Variants in PRTN3 observed in about 807,000 individuals in gnomAD.
The protein encoded by PRTN3 is proteinase 3, also known as myeloblastin.
In PRTN3, 22 loss-of-function variants were observed where a neutral mutation model predicts 20.7. The observed-to-expected ratio is 1.06, with a 90% CI of 0.76 to 1.52. The LOEUF is 1.52. Among genes scored for constraint, PRTN3 ranks in the 40% most tolerant of loss-of-function variants. PRTN3 has a pLI of 0.00. For missense variants in PRTN3, 378 were observed against 359.6 expected, an observed-to-expected ratio of 1.05 and a Z score of -0.41; for synonymous variants, 173 against 152.9, an observed-to-expected ratio of 1.13 and a Z score of -0.97.
intron 4 of PRTN3, among the ~76,000 whole-genome samples, chr19:847,545 A>AAAAGAG (rs2035533058): frequency 1.5e-5 from 2 of 134,732 alleles, no homozygotes; most frequent in Non-Finnish European, 3.2e-5. Context: ...GAAAGAAAGA[A>AAAAGAG]AGAAAAAGAA....
At chr19:847,294 G>A (rs557791234) in intron 4 of PRTN3, among the ~76,000 whole-genome samples, 5 of 152,126 alleles carry the variant, frequency 3.3e-5, no homozygotes, top group Admixed American at 6.5e-5. Flanking sequence ...AGAACAGAGC[G>A]AGACCCTGTC....
rs1387391143 is a variant in PRTN3, at chr19:841,818, C to G, written c.61+749C>G. The stretch of plus-strand genomic sequence containing the variant: ...TCTCGGCTCACTGCAAGCTCAGCCT[C>G]CCGGGTTCACGCCTTTCTCCTGCCT... On this transcript the variant is annotated intron_variant, in intron 1 of 4. Transcript: ENST00000234347. 1.4e-5 allele frequency among the ~76,000 whole-genome samples: 2 copies of G among 141,392 alleles called. 1 individual carries two copies. Among genetic ancestry groups the G allele is most frequent in the African/African-American group, 5.3e-5 (2 of 37,778 alleles). 92.8% of individuals were successfully genotyped at this position (141,392 alleles called of 152,430 possible). A position where few individuals can be genotyped will look rare whatever the true frequency, so the allele number is the denominator to read the frequency against.
chr19:847,834 C>A lies in PRTN3; in HGVS notation c.636C>A (p.Ile212=), dbSNP rs748825295. 7 of 1,609,654 alleles carry A rather than the reference C, an allele frequency of 4.3e-6. No individual in the cohort carries two copies. Among genetic ancestry groups the A allele is most frequent in the Non-Finnish European group, 5.9e-6 (7 of 1,177,842 alleles). ...GTGGCCCCCTGATCTGTGATGGCAT[C>A]ATCCAAGGAATAGACTCCTTCGTGA... ...DSGGPLICDG[I]IQGIDSFVIW... is the part of the protein sequence containing the mutation. The change falls in exon 5 of 5, where the codon ATC becomes ATA. Residue 212 remains isoleucine (I), a synonymous_variant. Transcript: ENST00000234347.
chr19:843,357 G>A, intron 1 of PRTN3, 104 bp from the exon 2 acceptor site: 1 of 1,260,610 alleles, frequency 7.9e-7, no homozygotes, highest in Non-Finnish European at 1.1e-6. Context: ...TGACCGGGTT[G>A]CAGATCGGGA....
chr19:842,585 A>ATTTTTTTTT (rs2035460028), intron 1 of PRTN3, among the ~76,000 whole-genome samples: 1 of 61,334 alleles, frequency 1.6e-5, no homozygotes, highest in Non-Finnish European at 2.7e-5. Flanking sequence ...ACACCTGGCT[A>ATTTTTTTTT]ATTTTTTTTT....
intron 3 of PRTN3, among the ~76,000 whole-genome samples, chr19:844,534 T>C (rs1301309083): frequency 1.9e-5 from 2 of 106,194 alleles, no homozygotes; most frequent in African/African-American, 7.5e-5. Flanking sequence ...CTCCCCTGCC[T>C]GCGCCTCCGC....
In PRTN3 at chr19:844,028, C is replaced by T. The variant is rs759579873; in HGVS notation, c.363C>T (p.Leu121=). 5.6e-6 allele frequency: 9 copies of T among 1,602,990 alleles called. No individual in the cohort carries two copies. Among genetic ancestry groups the T allele is most frequent in the Non-Finnish European group, 7.7e-6 (9 of 1,175,292 alleles). The change falls in exon 3 of 5, where the codon CTC becomes CTT. Residue 121 remains leucine (L), a synonymous_variant. Transcript: ENST00000234347. ...AGAACAAACTGAACGACGTTCTCCTCATCCAGGTGGGCGGGCAGGGCCGCG... is the reference window on the plus strand; with the variant it reads ...AGAACAAACTGAACGACGTTCTCCTTATCCAGGTGGGCGGGCAGGGCCGCG... ...DAENKLNDVL[L]IQLSSPANLS... is the part of the protein sequence containing the mutation.
rs759081832 is a variant in PRTN3, at chr19:846,238, C to T, written c.461C>T (p.Ala154Val). ...GTGCCCCACGGCACCCAGTGCCTGGCCATGGGCTGGGGCCGCGTGGGTGCC... is the reference window on the plus strand; with the variant it reads ...GTGCCCCACGGCACCCAGTGCCTGGTCATGGGCTGGGGCCGCGTGGGTGCC... Reference protein sequence around the residue: ...QPVPHGTQCLAMGWGRVGAHD... With the variant: ...QPVPHGTQCLVMGWGRVGAHD... Residue 154 changes from alanine to valine, a missense_variant, in exon 4 of 5, where the codon GCC (alanine) becomes GTC (valine). Coordinates refer to ENST00000234347, the MANE Select transcript of PRTN3 (RefSeq NM_002777.4). The T allele has an allele frequency of 3.9e-6, 6 of 1,556,040 alleles. No individual in the cohort carries two copies. In the South Asian group the frequency reaches 4.7e-5, roughly 12 times the overall value.
chr19:841,916 A>AG (rs2035446758), intron 1 of PRTN3, among the ~76,000 whole-genome samples: 1 of 150,986 alleles, frequency 6.6e-6, no homozygotes, highest in Non-Finnish European at 1.5e-5. Context: ...TTTTGTAGAG[A>AG]CGGGGTTTCA....
rs73492537 is a variant in PRTN3 at position 844,042 on chromosome 19, G to A, written c.369+8G>A. 0.19 allele frequency: 297,614 copies of A among 1,596,634 alleles called. 31,347 individuals are homozygous for A. Among genetic ancestry groups the A allele is most frequent in the African/African-American group, 0.43 (31,673 of 74,464 alleles). On this transcript the variant is annotated splice_region_variant and intron_variant, in intron 3 of 4. Transcript: ENST00000234347. ...GACGTTCTCCTCATCCAGGTGGGCG[G>A]GCAGGGCCGCGAGGGCTCGGAGGGG...
At chr19:844,990 C>T (rs2035498444) in intron 3 of PRTN3, among the ~76,000 whole-genome samples, 1 of 145,708 alleles carries the variant, frequency 6.9e-6, no homozygotes, top group African/African-American at 2.5e-5. Flanking sequence ...CTCAGTCATC[C>T]AGGCTGGAGT....
intron 4 of PRTN3, 81 bp from the exon 5 acceptor site, chr19:847,718 C>T: frequency 2.7e-6 from 4 of 1,493,774 alleles, no homozygotes; most frequent in Non-Finnish European, 3.6e-6. Context: ...CAGGTGGCCC[C>T]TGATGGGTGA....
At chr19:841,781 G>T (rs12985870) in intron 1 of PRTN3, among the ~76,000 whole-genome samples, 1 of 120,724 alleles carries the variant, frequency 8.3e-6, no homozygotes, top group African/African-American at 3.2e-5. Flanking sequence ...AGGCTGGAGT[G>T]CAGTGGCGCG....
intron 3 of PRTN3, among the ~76,000 whole-genome samples, chr19:845,485 C>T (rs996222543): frequency 9.2e-5 from 14 of 151,608 alleles, no homozygotes; most frequent in African/African-American, 3.4e-4. Flanking sequence ...GAGGCCGAGG[C>T]GGGCGGATCG....
rs1327181783 is a variant in PRTN3, at chr19:848,109, G to A, written c.*140G>A. 36 of 1,099,882 alleles carry A rather than the reference G, an allele frequency of 3.3e-5. No homozygotes were observed. The highest frequency in any genetic ancestry group is 1.9e-4 in the African/African-American group (12 of 63,254). 68.1% of individuals were successfully genotyped at this position (1,099,882 alleles called of 1,614,324 possible). A position where few individuals can be genotyped will look rare whatever the true frequency, so the allele number is the denominator to read the frequency against. On this transcript the variant is annotated 3_prime_UTR_variant, in exon 5 of 5. Coordinates refer to ENST00000234347, the MANE Select transcript of PRTN3 (RefSeq NM_002777.4). ...CCCGTCCCCCCACACTCCCTCCCAC[G>A]GGGCTCCGGGAGACAGGCCGGCCCT... is the stretch of plus-strand genomic sequence containing the variant.
At chr19:846,007 G>A (rs892885132) in intron 3 of PRTN3, 140 bp from the exon 4 acceptor site, 2 of 566,708 alleles carry the variant, frequency 3.5e-6, no homozygotes, top group East Asian at 3.2e-5. Flanking sequence ...TGGGACAAAG[G>A]GGGTCGTGGG....
chr19:843,500 C>T lies in PRTN3; in HGVS notation c.101C>T (p.Ala34Val). 6.3e-7 allele frequency: 1 copy of T among 1,584,102 alleles called. No individual in the cohort carries two copies. The highest frequency in any genetic ancestry group is 8.6e-7 in the Non-Finnish European group (1 of 1,168,826). The change falls in exon 2 of 5, where the codon GCG (alanine) becomes GTG (valine). Residue 34 changes from alanine to valine, a missense_variant. Coordinates refer to ENST00000234347, the MANE Select transcript of PRTN3 (RefSeq NM_002777.4). Reference sequence around the variant, plus strand: ...GCGGAGATCGTGGGCGGGCACGAGGCGCAGCCACACTCCCGGCCCTACATG... The same window carrying T: ...GCGGAGATCGTGGGCGGGCACGAGGTGCAGCCACACTCCCGGCCCTACATG... The part of the protein sequence containing the change: ...RAAEIVGGHE[A>V]QPHSRPYMAS...
At position 841,068 on chromosome 19, in the gene PRTN3, C is replaced by A; in HGVS notation, c.60C>A (p.Ser20Arg). 1 of 1,604,942 alleles carries A rather than the reference C, an allele frequency of 6.2e-7. No homozygotes were observed. ...LASVLLALLLSGAARAAEIVG... is the reference protein window; with the variant it reads ...LASVLLALLLRGAARAAEIVG... Reference sequence around the variant, plus strand: ...CCGTGCTGCTGGCCTTGCTGCTGAGCGGTGAGTGAGCCACGTGCCCATCCA... The same window carrying A: ...CCGTGCTGCTGGCCTTGCTGCTGAGAGGTGAGTGAGCCACGTGCCCATCCA... The change falls in exon 1 of 5, where the codon AGC becomes AGA. Residue 20 changes from serine (S) to arginine (R), a missense_variant and splice_region_variant. Ser to Arg is a moderately radical substitution (Grantham distance 110, BLOSUM62 -1). Transcript: ENST00000234347.
Position 847,908 on chromosome 19 carries a change from C to A in PRTN3, c.710C>A (p.Ala237Asp), listed in dbSNP as rs749095091. 2.5e-6 allele frequency: 4 copies of A among 1,608,114 alleles called. No homozygotes were observed. Among genetic ancestry groups the A allele is most frequent in the Admixed American group, 1.7e-5 (1 of 59,416 alleles). Residue 237 changes from alanine to aspartate, a missense_variant, in exon 5 of 5, where the codon GCC becomes GAC. Coordinates refer to ENST00000234347, the MANE Select transcript of PRTN3 (RefSeq NM_002777.4). ...RLFPDFFTRV[A>D]LYVDWIRSTL... ...TTCCCTGACTTCTTCACGCGGGTAG[C>A]CCTCTACGTGGACTGGATCCGTTCC... is the stretch of plus-strand genomic sequence containing the variant.
Sources: allele counts gnomAD v4.1 joint callset (sites outside exome capture counted in the v4.1 genomes callset), GRCh38; gene constraint gnomAD v4.1.1; transcripts MANE v1.5; gene names NCBI Gene and HGNC (gene_info 2026-07-23, HGNC 2026-07-21).